CHRNB4: variants seen among roughly 807,000 people sequenced by gnomAD.
The protein encoded by CHRNB4 is neuronal acetylcholine receptor subunit beta-4.
A neutral mutation model predicts 40.4 loss-of-function variants in CHRNB4; 23 were observed. That is an observed-to-expected ratio of 0.57 (90% CI 0.41 to 0.81). CHRNB4 has a LOEUF of 0.81. Ranked by LOEUF, CHRNB4 falls within the 30% of genes least tolerant of loss-of-function variation. The pLI is 0.00. For synonymous variants in CHRNB4, 285 were observed against 274.4 expected (o/e 1.04, Z -0.38); for missense variants, 568 against 670.6 (o/e 0.85, Z 1.69).
intron 6 of CHRNB4, among the ~76,000 whole-genome samples, chr15:78,650,677 G>C (rs146519820): frequency 6.6e-6 from 1 of 152,222 alleles, no homozygotes; most frequent in Admixed American, 6.5e-5. Context: ...GGCCGTGGCC[G>C]CAAGTGGTGT....
chr15:78,635,471 G>A lies in CHRNB4; in HGVS notation c.172C>T (p.Leu58=), dbSNP rs1421228253. 6.2e-7 allele frequency: 1 copy of A among 1,614,120 alleles called. No individual in the cohort carries two copies. Among genetic ancestry groups the A allele is most frequent in the Non-Finnish European group, 8.5e-7 (1 of 1,180,022 alleles). The change falls in exon 2 of 6, where the codon CTG becomes TTG. Residue 58 remains leucine (L), a synonymous_variant. Coordinates refer to ENST00000261751, the MANE Select transcript of CHRNB4 (RefSeq NM_000750.5). ...TSSSQLISIK[L]QLSLAQLISV... is the part of the protein sequence containing the mutation. Reference sequence around the variant, plus strand: ...ATAAGCTGGGCCAGGGAGAGCTGCAGCTTGATGGAGATGAGCTGTGAGGAG... The same window carrying A: ...ATAAGCTGGGCCAGGGAGAGCTGCAACTTGATGGAGATGAGCTGTGAGGAG...
chr15:78,644,649 G>A (rs1838574402), upstream of CHRNB4, among the ~76,000 whole-genome samples: 1 of 152,128 alleles, frequency 6.6e-6, no homozygotes, highest in African/African-American at 2.4e-5. Flanking sequence ...AAAATACTCA[G>A]GAAGAGCTGA....
At position 78,629,228 on chromosome 15, in the gene CHRNB4, G is replaced by T. The variant is rs1418792355; in HGVS notation, c.1077C>A (p.Ala359=). The T allele has an allele frequency of 1.2e-6, 2 of 1,613,590 alleles. No homozygotes were observed. Among genetic ancestry groups the T allele is most frequent in the South Asian group, 1.1e-5 (1 of 91,054 alleles). The part of the protein sequence containing the change: ...RPGPDSSPAR[A]FPPSKSCVTK... ...TCACGCATGACTTGCTGGGCGGGAA[G>T]GCTCTGGCCGGGCTGCTGTCGGGGC... is the stretch of plus-strand genomic sequence containing the variant. Residue 359 remains alanine (A), a synonymous_variant, in exon 5 of 6, where the codon GCC becomes GCA. Coordinates refer to ENST00000261751, the MANE Select transcript of CHRNB4 (RefSeq NM_000750.5). This position sits in a 1 kb window ranked among gnomAD's most constrained non-coding sequence, Gnocchi z 6.8.
intron 2 of CHRNB4, among the ~76,000 whole-genome samples, chr15:78,633,531 G>A (rs905458515): frequency 6.6e-6 from 1 of 152,178 alleles, no homozygotes; most frequent in African/African-American, 2.4e-5. Context: ...ATGGCAATTT[G>A]TCTCATTTTG....
upstream of CHRNB4, chr15:78,641,285 C>T: frequency 1.6e-6 from 1 of 630,634 alleles, no homozygotes; most frequent in Non-Finnish European, 2.5e-6. Context: ...CCCCGCCGAG[C>T]CCCGCCCACT....
At chr15:78,661,225 A>G (rs530472941), upstream of CHRNB4, 36 of 609,260 alleles carry the variant, frequency 5.9e-5, no homozygotes, top group African/African-American at 4.6e-4. Flanking sequence ...GGGGGAGTCC[A>G]GGGCCAGCTG....
At chr15:78,656,278 A>G (rs904642549) in exon 4 of CHRNB4, 1 of 147,968 alleles carries the variant, frequency 6.8e-6, no homozygotes, top group Admixed American at 6.9e-5. Flanking sequence ...TGGAGGTTGC[A>G]GTGAGCTGAG....
chr15:78,637,862 G>A (rs1429955249), intron 1 of CHRNB4, among the ~76,000 whole-genome samples: 1 of 152,150 alleles, frequency 6.6e-6, no homozygotes, highest in African/African-American at 2.4e-5. Flanking sequence ...GGGGTCCTAT[G>A]GATGCTTGGC....
chr15:78,641,759 A>G (rs2141401196), upstream of CHRNB4, among the ~76,000 whole-genome samples: 1 of 152,254 alleles, frequency 6.6e-6, no homozygotes, highest in Non-Finnish European at 1.5e-5. Flanking sequence ...GAAGGAGCAG[A>G]GTTAAAAGGG....
chr15:78,654,509 A>G (rs2054196776), intron 5 of CHRNB4, among the ~76,000 whole-genome samples: 1 of 152,218 alleles, frequency 6.6e-6, no homozygotes, highest in Admixed American at 6.5e-5. Flanking sequence ...GCAGCTTCCT[A>G]GCTGTGTAAC....
At chr15:78,639,259 T>C (rs1156765438) in intron 1 of CHRNB4, among the ~76,000 whole-genome samples, 2 of 152,190 alleles carry the variant, frequency 1.3e-5, no homozygotes, top group Non-Finnish European at 2.9e-5. Flanking sequence ...TGTCCTTAAC[T>C]GAGGAAGGGA....
intron 7 of CHRNB4, among the ~76,000 whole-genome samples, chr15:78,647,582 C>G (rs545278572): frequency 4.0e-5 from 6 of 151,210 alleles, no homozygotes; most frequent in African/African-American, 1.5e-4. Context: ...TGCAGTGGCT[C>G]ACGCCTGTAA....
intron 7 of CHRNB4, among the ~76,000 whole-genome samples, chr15:78,647,861 CAAAAAAAAAAAA>C (rs146991423): frequency 1.5e-4 from 6 of 39,124 alleles, no homozygotes; most frequent in Non-Finnish European, 2.5e-4. Flanking sequence ...GACTCCATCT[CAAAAAAAAAAAA>C]AAAAAAAAAA....
intron 5 of CHRNB4, among the ~76,000 whole-genome samples, chr15:78,653,522 G>A (rs574011829): frequency 5.3e-5 from 8 of 152,274 alleles, no homozygotes; most frequent in East Asian, 1.9e-4. Context: ...CAGTGCTGGC[G>A]GAAAACCTGC....
intron 1 of CHRNB4, 118 bp from the exon 2 acceptor site, chr15:78,635,705 C>T (rs936220091): frequency 1.0e-5 from 14 of 1,377,146 alleles, no homozygotes; most frequent in African/African-American, 4.3e-5. Flanking sequence ...GCTGAAGCAG[C>T]GAAGGTGCTG....
chr15:78,633,493 GGGAA>G (rs1271844695), intron 2 of CHRNB4, among the ~76,000 whole-genome samples: 1 of 152,206 alleles, frequency 6.6e-6, no homozygotes, highest in Non-Finnish European at 1.5e-5. Context: ...GGCTGTTGGT[GGGAA>G]GGGAGGAGGG....
At chr15:78,652,552 C>G (rs1346576612) in intron 6 of CHRNB4, 1 of 152,278 alleles carries the variant, frequency 6.6e-6, no homozygotes, top group African/African-American at 2.4e-5. Flanking sequence ...CTGGTGGTAT[C>G]TCAGTGCCTG....
At chr15:78,641,246 G>A (rs996896416), upstream of CHRNB4, 9 of 1,009,562 alleles carry the variant, frequency 8.9e-6, no homozygotes, top group East Asian at 9.7e-5. Context: ...TTGCTGGCGG[G>A]GCGGCGCTCA....
At position 78,631,340 on chromosome 15, in the gene CHRNB4, G is replaced by A; in HGVS notation, c.205-8C>T. The A allele has an allele frequency of 1.9e-6, 3 of 1,613,244 alleles. No individual in the cohort carries two copies. Among genetic ancestry groups the A allele is most frequent in the Non-Finnish European group, 2.5e-6 (3 of 1,179,878 alleles). ...GATCTGCTCTCGCTCATTCTGGGGA[G>A]GGAAACGGGGCTATCAGTTCACCAG... On this transcript the variant is annotated splice_polypyrimidine_tract_variant and splice_region_variant and intron_variant, in intron 2 of 5. Transcript: ENST00000261751.
Sources: allele counts gnomAD v4.1 joint callset (sites outside exome capture counted in the v4.1 genomes callset), GRCh38; gene constraint gnomAD v4.1.1; non-coding constraint Gnocchi (gnomAD v3.1); transcripts MANE v1.5; gene names NCBI Gene and HGNC (gene_info 2026-07-23, HGNC 2026-07-21).